The following APOBEC3G variants were observed in gnomAD, a reference collection of about 807,000 sequenced individuals.
APOBEC3G encodes apolipoprotein B mRNA editing enzyme catalytic subunit 3G.
Under a neutral mutation model 50.0 loss-of-function variants are expected in APOBEC3G, and 44 were observed. The ratio of observed to expected loss-of-function variants is 0.88; its 90% confidence interval spans 0.69 to 1.13. The LOEUF (loss-of-function observed/expected upper bound fraction) is 1.13, where lower values mean the gene tolerates loss of function less well. Ranked by LOEUF, APOBEC3G falls within the 50% of genes most tolerant of loss-of-function variation. The probability of loss-of-function intolerance (pLI) is 0.00; values close to 1 mark genes in which losing one functional copy is unlikely to be tolerated. For synonymous variants in APOBEC3G, 156 were observed against 175.3 expected, an observed-to-expected ratio of 0.89 and a Z score of 0.87; for missense variants, 469 against 492.0, an observed-to-expected ratio of 0.95 and a Z score of 0.44.
At position 39,087,539 on chromosome 22, in the gene APOBEC3G, C is replaced by A; in HGVS notation, c.*118C>A. 6.3e-7 allele frequency: 1 copy of A among 1,588,650 alleles called. No homozygotes were observed. Among genetic ancestry groups the A allele is most frequent in the Non-Finnish European group, 8.6e-7 (1 of 1,158,744 alleles). ...CACCATCTCCAGCTGATCACAGACA[C>A]CAGCAAAGCAATGCACTCCTGACCA... On this transcript the variant is annotated 3_prime_UTR_variant, in exon 8 of 8. Transcript: ENST00000407997.
intron 6 of APOBEC3G, among the ~76,000 whole-genome samples, 162 bp from the exon 7 acceptor site, chr22:39,086,849 A>G (rs538877964): frequency 3.9e-5 from 6 of 152,280 alleles, no homozygotes; most frequent in Admixed American, 1.3e-4. Flanking sequence ...AGATTCCAAT[A>G]GGAAAGAAGT....
At chr22:39,077,521 C>A (rs1928212166) in intron 1 of APOBEC3G, 143 bp downstream of exon 1, 2 of 1,433,520 alleles carry the variant, frequency 1.4e-6, no homozygotes, top group Non-Finnish European at 1.9e-6. Context: ...CCCCCTACTC[C>A]CAGCCAGGCT....
In APOBEC3G at chr22:39,080,988, A is replaced by T; in HGVS notation, c.227A>T (p.Lys76Met). The change falls in exon 3 of 8, where the codon AAG becomes ATG. Residue 76 changes from lysine to methionine, a missense_variant. By Grantham distance (95) the Lys-to-Met change is moderately conservative. Transcript: ENST00000407997. ...PEMRFFHWFSKWRKLHRDQEY... is the reference protein window; with the variant it reads ...PEMRFFHWFSMWRKLHRDQEY... Reference sequence around the variant, plus strand: ...ATGAGATTCTTCCACTGGTTCAGCAAGTGGAGGAAGCTGCATCGTGACCAG... The same window carrying T: ...ATGAGATTCTTCCACTGGTTCAGCATGTGGAGGAAGCTGCATCGTGACCAG... 1.2e-6 allele frequency: 2 copies of T among 1,614,028 alleles called. No individual in the cohort carries two copies. Among genetic ancestry groups the T allele is most frequent in the Non-Finnish European group, 1.7e-6 (2 of 1,180,004 alleles).
Position 39,086,466 on chromosome 22 carries a change from G to T in APOBEC3G, c.923G>T (p.Cys308Phe). ...FISKNKHVSL[C>F]IFTARIYDDQ... The stretch of plus-strand genomic sequence containing the variant: ...TCAAAAAACAAACACGTGAGCCTGT[G>T]CATCTTCACTGCCCGCATCTATGAT... Residue 308 changes from cysteine (C) to phenylalanine (F), a missense_variant, in exon 6 of 8, where the codon TGC becomes TTC. By Grantham distance (205) the Cys-to-Phe change is radical (BLOSUM62 -2). Coordinates refer to ENST00000407997, the MANE Select transcript of APOBEC3G (RefSeq NM_021822.4). The T allele has an allele frequency of 6.2e-7, 1 of 1,614,184 alleles. No homozygotes were observed. The highest frequency in any genetic ancestry group is 8.5e-7 in the Non-Finnish European group (1 of 1,180,030).
rs756867569 is a variant in APOBEC3G, at chr22:39,081,565, C to G, written c.561C>G (p.Ile187Met). 2 of 1,613,712 alleles carry G rather than the reference C, an allele frequency of 1.2e-6. No individual in the cohort carries two copies. The highest frequency in any genetic ancestry group is 2.7e-5 in the African/African-American group (2 of 74,908). Residue 187 changes from isoleucine (I) to methionine (M), a missense_variant, in exon 4 of 8, where the codon ATC (isoleucine) becomes ATG (methionine). Ile to Met is a conservative substitution (Grantham distance 10). Transcript: ENST00000407997. ...CTAAATATTATATATTACTGCACATCATGCTGGGGGAGATTCTCAGGTGAG... is the reference window on the plus strand; with the variant it reads ...CTAAATATTATATATTACTGCACATGATGCTGGGGGAGATTCTCAGGTGAG... ...NLPKYYILLH[I>M]MLGEILRHSM...
chr22:39,080,781 C>T (rs949249110), intron 2 of APOBEC3G, 152 bp from the exon 3 acceptor site: 12 of 713,616 alleles, frequency 1.7e-5, no homozygotes, highest in Admixed American at 2.9e-5. Context: ...TTGGAGCAGA[C>T]AAACACTCAA....
chr22:39,086,207 G>A, intron 5 of APOBEC3G, 72 bp from the exon 6 acceptor site: 1 of 1,496,812 alleles, frequency 6.7e-7, no homozygotes, highest in South Asian at 1.4e-5. Context: ...GTACACTCCA[G>A]CCTGGGCAAC....
chr22:39,087,414 A>G lies in APOBEC3G; in HGVS notation c.1148A>G (p.Glu383Gly), dbSNP rs760078242. 16 of 1,613,876 alleles carry G rather than the reference A, an allele frequency of 9.9e-6. No homozygotes were observed. In the East Asian group the frequency reaches 1.1e-4, roughly 11 times the overall value. ...GRLRAILQNQ[E>G]N is the part of the protein sequence containing the mutation. The stretch of plus-strand genomic sequence containing the variant: ...ACCTCCCTGCTCTTCCAGAATCAGG[A>G]AAACTGAAGGATGGGCCTCAGTCTC... The change falls in exon 8 of 8, where the codon GAA (glutamate) becomes GGA (glycine). Residue 383 changes from glutamate (E) to glycine (G), a missense_variant. Transcript: ENST00000407997.
At position 39,083,790 on chromosome 22, in the gene APOBEC3G, G is replaced by C; in HGVS notation, c.641G>C (p.Gly214Ala). The change falls in exon 5 of 8, where the codon GGA becomes GCA. Residue 214 changes from glycine (G) to alanine (A), a missense_variant. Transcript: ENST00000407997. ...TTTAACAATGAACCTTGGGTCAGAG[G>C]ACGGCATGAGACTTACCTGTGTTAT... ...FNFNNEPWVR[G>A]RHETYLCYEV... 3 of 1,614,020 alleles carry C rather than the reference G, an allele frequency of 1.9e-6. No individual in the cohort carries two copies. Among genetic ancestry groups the C allele is most frequent in the Non-Finnish European group, 2.5e-6 (3 of 1,179,928 alleles).
At chr22:39,080,912 C>T (rs752216597) in intron 2 of APOBEC3G, 21 bp from the exon 3 acceptor site, 6 of 1,601,298 alleles carry the variant, frequency 3.7e-6, no homozygotes, top group Non-Finnish European at 5.1e-6. Context: ...AGAGCTTGCC[C>T]TGACCCTGCT....
intron 4 of APOBEC3G, chr22:39,083,069 C>T (rs1202491429): frequency 6.6e-6 from 1 of 152,288 alleles, no homozygotes; most frequent in Non-Finnish European, 1.5e-5. Flanking sequence ...CTGCAGAGTC[C>T]TATCAAAGGT....
intron 1 of APOBEC3G, among the ~76,000 whole-genome samples, chr22:39,078,045 C>G (rs893183675): frequency 6.6e-6 from 1 of 152,138 alleles, no homozygotes; most frequent in African/African-American, 2.4e-5. Flanking sequence ...GGATCGCCTG[C>G]GGTCAGGAGT....
rs542618397 is a variant in APOBEC3G at position 39,081,014 on chromosome 22, G to T, written c.253G>T (p.Glu85Ter). Reference protein sequence around the residue: ...SKWRKLHRDQEYEVTWYISWS... With the variant: ...SKWRKLHRDQ ...GTGGAGGAAGCTGCATCGTGACCAGGAGTATGAGGTCACCTGGTACATATC... is the reference window on the plus strand; with the variant it reads ...GTGGAGGAAGCTGCATCGTGACCAGTAGTATGAGGTCACCTGGTACATATC... The change falls in exon 3 of 8, where the codon GAG becomes TAG. Residue 85 changes from glutamate (E) to a stop codon, truncating the protein, a stop_gained. Coordinates refer to ENST00000407997, the MANE Select transcript of APOBEC3G (RefSeq NM_021822.4). LOFTEE classifies it high-confidence loss of function. 10 of 1,614,120 alleles carry T rather than the reference G, an allele frequency of 6.2e-6. No individual in the cohort carries two copies. The South Asian group carries it at 1.1e-4, about 18-fold the overall frequency.
At position 39,078,867 on chromosome 22, in the gene APOBEC3G, A is replaced by G; in HGVS notation, c.18-65A>G. 5 of 1,592,062 alleles carry G rather than the reference A, an allele frequency of 3.1e-6. No homozygotes were observed. The East Asian group carries it at 1.1e-4, about 36-fold the overall frequency. ...CCGTCCAGGGGGCTGTGTTTAGTGG[A>G]CATCAGCCCGGAGGGCCCCCAGGAG... On this transcript the variant is annotated intron_variant, in intron 1 of 7. Transcript: ENST00000407997.
chr22:39,079,227 C>A (rs1928318370), intron 2 of APOBEC3G, 142 bp downstream of exon 2: 1 of 1,217,574 alleles, frequency 8.2e-7, no homozygotes, highest in Non-Finnish European at 1.1e-6. Flanking sequence ...GTGGCCCTGA[C>A]CTTCCTGCTG....
upstream of APOBEC3G, chr22:39,077,192 C>T (rs925833503): frequency 6.6e-4 from 691 of 1,045,670 alleles, 11 homozygotes; most frequent in Non-Finnish European, 1.0e-4. Flanking sequence ...GAAGATAAAG[C>T]GTCCCAGGGC....
chr22:39,081,638 C>T, intron 4 of APOBEC3G, 53 bp downstream of exon 4: 1 of 1,399,628 alleles, frequency 7.1e-7, no homozygotes, highest in African/African-American at 1.4e-5. Flanking sequence ...TCCTGCTCAT[C>T]CTCTTGAGGC....
In APOBEC3G at chr22:39,087,479, G is replaced by T. The variant is rs1394239608; in HGVS notation, c.*58G>T. The T allele has an allele frequency of 5.0e-6, 8 of 1,613,542 alleles. No homozygotes were observed. Among genetic ancestry groups the T allele is most frequent in the Admixed American group, 1.7e-5 (1 of 59,988 alleles). ...ACCTGGGTTGAGCCTCAGAATAAAA[G>T]ATCTTCTTCCAAGAAATGCAAACAG... On this transcript the variant is annotated 3_prime_UTR_variant, in exon 8 of 8. Transcript: ENST00000407997.
In APOBEC3G at chr22:39,080,605, A is replaced by G. The variant is rs1327960531; in HGVS notation, c.172-328A>G. 6 of 321,688 alleles carry G rather than the reference A, an allele frequency of 1.9e-5. No individual in the cohort carries two copies. In the Admixed American group the frequency reaches 2.3e-4, roughly 12 times the overall value. 19.9% of individuals were successfully genotyped at this position (321,688 alleles called of 1,614,324 possible). On this transcript the variant is annotated intron_variant, in intron 2 of 7. Coordinates refer to ENST00000407997, the MANE Select transcript of APOBEC3G (RefSeq NM_021822.4). Reference sequence around the variant, plus strand: ...AAGAGGAAGCAGTTTAGTCTGACATACTGCCCCCCCAGCTAGAGGGCAAGA... The same window carrying G: ...AAGAGGAAGCAGTTTAGTCTGACATGCTGCCCCCCCAGCTAGAGGGCAAGA...
Sources: gnomAD v4.1 joint callset for allele counts (sites outside exome capture counted in the v4.1 genomes callset) on GRCh38, gnomAD v4.1.1 for gene constraint, MANE v1.5 for transcripts, NCBI Gene and HGNC (gene_info 2026-07-23, HGNC 2026-07-21) for gene names.